Variants in PRDM7 observed in about 807,000 individuals in gnomAD.
PRDM7 encodes PR/SET domain 7.
A neutral mutation model predicts 64.3 loss-of-function variants in PRDM7; 52 were observed. The ratio of observed to expected loss-of-function variants is 0.81; its 90% confidence interval spans 0.65 to 1.02. The LOEUF is 1.02. Among genes scored for constraint, PRDM7 ranks in the 50% least tolerant of loss-of-function variants. The pLI, the probability that PRDM7 is intolerant of heterozygous loss-of-function variation, is 0.00. For synonymous variants in PRDM7, 192 were observed against 210.1 expected, an observed-to-expected ratio of 0.91 and a Z score of 0.74; for missense variants, 574 against 597.1, an observed-to-expected ratio of 0.96 and a Z score of 0.40.
At position 90,075,155 on chromosome 16, in the gene PRDM7, A is replaced by C. The variant is rs2151314645; in HGVS notation, c.194-132T>G. 1 of 1,355,706 alleles carries C rather than the reference A, an allele frequency of 7.4e-7. No homozygotes were observed. Among genetic ancestry groups the C allele is most frequent in the African/African-American group, 1.4e-5 (1 of 69,390 alleles). 84.0% of individuals were successfully genotyped at this position (1,355,706 alleles called of 1,614,324 possible). Reference sequence around the variant, plus strand: ...AGCTGGGAGAGTCTTGAACAAGGTCAAGATGTGACCTCTGCATGGTCAGTA... The same window carrying C: ...AGCTGGGAGAGTCTTGAACAAGGTCCAGATGTGACCTCTGCATGGTCAGTA... On this transcript the variant is annotated intron_variant, in intron 3 of 10. Transcript: ENST00000449207. This position sits in a 1 kb window ranked among gnomAD's most constrained non-coding sequence, Gnocchi z 4.3.
intron 4 of PRDM7, among the ~76,000 whole-genome samples, chr16:90,074,703 A>G (rs1349586982): frequency 1.3e-5 from 2 of 152,254 alleles, no homozygotes; most frequent in East Asian, 1.9e-4. Flanking sequence ...GAGAAATCCC[A>G]TATCTACTAA....
chr16:90,072,897 A>C (rs1298942675), intron 4 of PRDM7, among the ~76,000 whole-genome samples: 2 of 152,174 alleles, frequency 1.3e-5, no homozygotes, highest in African/African-American at 4.8e-5. Context: ...TTCCTCTTAC[A>C]TTACATTAAG....
chr16:90,071,605 T>C (rs2037956792), intron 4 of PRDM7, among the ~76,000 whole-genome samples: 1 of 45,258 alleles, frequency 2.2e-5, no homozygotes, highest in African/African-American at 4.0e-5. Flanking sequence ...AACTCATCCT[T>C]TTCATCGGAA....
chr16:90,059,802 C>T (rs1193901104), intron 10 of PRDM7, among the ~76,000 whole-genome samples: 3 of 152,310 alleles, frequency 2.0e-5, no homozygotes, highest in Non-Finnish European at 4.4e-5. Flanking sequence ...CACTAATCGC[C>T]GTCTGATATT....
At chr16:90,067,398 T>C (rs1159641776) in intron 4 of PRDM7, among the ~76,000 whole-genome samples, 1 of 151,138 alleles carries the variant, frequency 6.6e-6, no homozygotes, top group African/African-American at 2.5e-5. Flanking sequence ...GGGGCATTGC[T>C]AATTTTCTTA....
At chr16:90,062,542 G>A in intron 6 of PRDM7, 40 bp from the exon 7 acceptor site, 1 of 1,513,614 alleles carries the variant, frequency 6.6e-7, no homozygotes. Flanking sequence ...TTGGGAGTCT[G>A]GGGTGTTTGT....
intron 4 of PRDM7, among the ~76,000 whole-genome samples, chr16:90,073,671 T>C (rs1283304076): frequency 1.3e-5 from 2 of 152,152 alleles, no homozygotes; most frequent in African/African-American, 2.4e-5. Context: ...AGTGCTGGGA[T>C]TACATTGTGC....
In PRDM7 at chr16:90,059,448, T is replaced by C. The variant is rs2037734075; in HGVS notation, c.1233+893A>G. Among the ~76,000 whole-genome samples the C allele has an allele frequency of 2.0e-5, 3 of 152,336 alleles. No homozygotes were observed. The South Asian group carries it at 6.2e-4, about 32-fold the overall frequency. Reference sequence around the variant, plus strand: ...ATCCTGCCCACCATTTTCTCTCACTTGGAAACTGGAGCAGCTCTGAAGGGA... The same window carrying C: ...ATCCTGCCCACCATTTTCTCTCACTCGGAAACTGGAGCAGCTCTGAAGGGA... On this transcript the variant is annotated intron_variant, in intron 10 of 10. Transcript: ENST00000449207.
intron 5 of PRDM7, 103 bp from the exon 6 acceptor site, chr16:90,063,871 GA>G: frequency 7.3e-7 from 1 of 1,378,216 alleles, no homozygotes; most frequent in South Asian, 1.3e-5. Context: ...TCAAACCTTG[GA>G]AATACCTAGA....
chr16:90,074,267 A>G (rs1156820841), intron 4 of PRDM7, among the ~76,000 whole-genome samples: 2 of 137,044 alleles, frequency 1.5e-5, no homozygotes, highest in African/African-American at 5.4e-5. Flanking sequence ...CTGTAATAAT[A>G]GTAACAATCA....
At position 90,058,087 on chromosome 16, in the gene PRDM7, T is replaced by G; in HGVS notation, c.*202A>C. On this transcript the variant is annotated 3_prime_UTR_variant, in exon 11 of 11. Coordinates refer to ENST00000449207, the MANE Select transcript of PRDM7 (RefSeq NM_001098173.2). ...AACATCTGACTTATCACTGAAACCT[T>G]GCCCACACTCTCCATATTTGACTTT... 1 of 1,613,818 alleles carries G rather than the reference T, an allele frequency of 6.2e-7. No homozygotes were observed.
Position 90,057,999 on chromosome 16 carries a change from A to G in PRDM7, c.*290T>C. The G allele has an allele frequency of 5.0e-6, 8 of 1,607,046 alleles. No individual in the cohort carries two copies. Among genetic ancestry groups the G allele is most frequent in the African/African-American group, 1.3e-5 (1 of 74,756 alleles). ...CTGAGGAGGTCTGACTTCCGGCTAA[A>G]GCCCTCCCACACTCTCTGCAGACGT... On this transcript the variant is annotated 3_prime_UTR_variant, in exon 11 of 11. Transcript: ENST00000449207.
chr16:90,058,249 G>C lies in PRDM7; in HGVS notation c.*40C>G, dbSNP rs1265318922. On this transcript the variant is annotated 3_prime_UTR_variant, in exon 11 of 11. Coordinates refer to ENST00000449207, the MANE Select transcript of PRDM7 (RefSeq NM_001098173.2). ...CCCCATTTGTCCTTTGGGTGGGCTA[G>C]AAAAGGCCCTTGAAATCTCCCTCTG... 5.0e-6 allele frequency: 8 copies of C among 1,614,032 alleles called. No individual in the cohort carries two copies. The highest frequency in any genetic ancestry group is 3.4e-6 in the Non-Finnish European group (4 of 1,180,004).
chr16:90,072,902 A>T (rs2037981964), intron 4 of PRDM7, among the ~76,000 whole-genome samples: 2 of 152,196 alleles, frequency 1.3e-5, no homozygotes, highest in African/African-American at 4.8e-5. Context: ...CTTACATTAC[A>T]TTAAGGTCTT....
intron 6 of PRDM7, among the ~76,000 whole-genome samples, 198 bp downstream of exon 6, chr16:90,063,414 G>GGTGACA (rs1373554319): frequency 6.6e-6 from 1 of 152,050 alleles, no homozygotes; most frequent in African/African-American, 2.4e-5. Flanking sequence ...CTCCAGCCTG[G>GGTGACA]GTGACAGAGT....
intron 9 of PRDM7, 122 bp downstream of exon 9, chr16:90,061,330 A>G (rs2037772656): frequency 3.1e-6 from 3 of 976,904 alleles, no homozygotes; most frequent in Non-Finnish European, 4.7e-6. Flanking sequence ...ACAGCATTGT[A>G]TGGAGAAAAA....
intron 10 of PRDM7, among the ~76,000 whole-genome samples, chr16:90,059,090 A>C (rs1188165670): frequency 6.6e-6 from 1 of 152,208 alleles, no homozygotes; most frequent in Non-Finnish European, 1.5e-5. Flanking sequence ...GCAAATCTGA[A>C]TTTGAGTATC....
intron 4 of PRDM7, among the ~76,000 whole-genome samples, chr16:90,073,767 C>G (rs1260454300): frequency 6.6e-6 from 1 of 151,952 alleles, no homozygotes; most frequent in African/African-American, 2.4e-5. Context: ...AAACCGAGGC[C>G]GGTTTCAGGA....
At chr16:90,058,630 T>C (rs1424023412) in intron 10 of PRDM7, 96 bp from the exon 11 acceptor site, 1 of 1,432,532 alleles carries the variant, frequency 7.0e-7, no homozygotes, top group Non-Finnish European at 9.8e-7. Context: ...TCATTCTTCA[T>C]ATGTTAACAA....
Sources: gnomAD v4.1 joint callset for allele counts (sites outside exome capture counted in the v4.1 genomes callset) on GRCh38, gnomAD v4.1.1 for gene constraint, Gnocchi (gnomAD v3.1) non-coding constraint, MANE v1.5 for transcripts, NCBI Gene and HGNC (gene_info 2026-07-23, HGNC 2026-07-21) for gene names.